Variants in SYN3 observed in about 807,000 individuals in gnomAD.
The protein encoded by SYN3 is synapsin-3.
A neutral mutation model predicts 65.8 loss-of-function variants in SYN3; 35 were observed. The observed-to-expected ratio is 0.53, with a 90% CI of 0.41 to 0.70. The LOEUF (loss-of-function observed/expected upper bound fraction) is 0.70, where lower values mean the gene tolerates loss of function less well. SYN3 is among the 30% of genes least tolerant of loss of function. The pLI, the probability that SYN3 is intolerant of heterozygous loss-of-function variation, is 0.00. For synonymous variants in SYN3, 270 were observed against 292.9 expected, an observed-to-expected ratio of 0.92 and a Z score of 0.80; for missense variants, 680 against 749.0, an observed-to-expected ratio of 0.91 and a Z score of 1.08.
intron 2 of SYN3, among the ~76,000 whole-genome samples, chr22:33,002,290 T>G (rs573683559): frequency 6.6e-6 from 1 of 152,238 alleles, no homozygotes; most frequent in Non-Finnish European, 1.5e-5. Flanking sequence ...AAAGTCAGAC[T>G]GATGGTCTGA....
chr22:32,886,585 A>G (rs1295952286), intron 4 of SYN3, among the ~76,000 whole-genome samples: 3 of 152,230 alleles, frequency 2.0e-5, no homozygotes, highest in African/African-American at 7.2e-5. Flanking sequence ...ACGTAGTTTG[A>G]TTTGCTTCGA....
At chr22:32,975,903 C>T (rs982822743) in intron 3 of SYN3, among the ~76,000 whole-genome samples, 2 of 152,226 alleles carry the variant, frequency 1.3e-5, no homozygotes, top group African/African-American at 2.4e-5. Flanking sequence ...ATCCAACTTA[C>T]ACTTCTCTAT....
At chr22:32,591,567 G>A (rs1349814430) in intron 7 of SYN3, among the ~76,000 whole-genome samples, 1 of 152,132 alleles carries the variant, frequency 6.6e-6, no homozygotes, top group Non-Finnish European at 1.5e-5. Flanking sequence ...TTGGCATCCT[G>A]AGTAATTACA....
intron 3 of SYN3, among the ~76,000 whole-genome samples, chr22:32,948,695 T>A (rs1023477274): frequency 6.6e-6 from 1 of 151,816 alleles, no homozygotes; most frequent in Admixed American, 6.6e-5. Context: ...CGAGATCGCG[T>A]CACTGCACTC....
intron 12 of SYN3, among the ~76,000 whole-genome samples, chr22:32,520,565 C>T (rs2057863204): frequency 6.6e-6 from 1 of 152,254 alleles, no homozygotes; most frequent in Admixed American, 6.5e-5. Flanking sequence ...ATTACTTTTT[C>T]CTTTATGAAA....
At chr22:32,591,226 G>T (rs41481449) in intron 7 of SYN3, among the ~76,000 whole-genome samples, 5,601 of 151,978 alleles carry the variant, frequency 0.037, 201 homozygotes, top group African/African-American at 0.091. Flanking sequence ...GGAGACATAT[G>T]GCTGCATTTA....
chr22:32,617,529 C>T (rs2059537812), intron 6 of SYN3, among the ~76,000 whole-genome samples: 1 of 150,582 alleles, frequency 6.6e-6, no homozygotes, highest in Admixed American at 6.6e-5. Flanking sequence ...TCCCGTGGAG[C>T]TCAGGATATT....
chr22:32,933,561 T>G (rs1009829254), intron 3 of SYN3, among the ~76,000 whole-genome samples: 8 of 152,206 alleles, frequency 5.3e-5, no homozygotes, highest in African/African-American at 1.9e-4. Flanking sequence ...CCCGAGTAGC[T>G]GGGATTACAG....
At chr22:32,876,911 G>A (rs973857788) in intron 4 of SYN3, among the ~76,000 whole-genome samples, 1 of 152,176 alleles carries the variant, frequency 6.6e-6, no homozygotes, top group Non-Finnish European at 1.5e-5. Flanking sequence ...AAAACTTTCG[G>A]TTGGTACACA....
chr22:32,659,751 T>A (rs376512827), intron 6 of SYN3, among the ~76,000 whole-genome samples: 1 of 152,148 alleles, frequency 6.6e-6, no homozygotes, highest in Non-Finnish European at 1.5e-5. Flanking sequence ...TTCTCATATA[T>A]ACATGGGCAG....
chr22:32,749,324 C>A (rs971883652), intron 6 of SYN3, among the ~76,000 whole-genome samples: 6 of 122,846 alleles, frequency 4.9e-5, no homozygotes, highest in African/African-American at 1.6e-4. Flanking sequence ...AATACACACA[C>A]AAATCCATTA....
intron 12 of SYN3, among the ~76,000 whole-genome samples, chr22:32,524,375 A>C (rs2057940803): frequency 6.6e-6 from 1 of 152,206 alleles, no homozygotes; most frequent in African/African-American, 2.4e-5. Flanking sequence ...GGTGACTTAG[A>C]GTTGAAGCCA....
intron 6 of SYN3, among the ~76,000 whole-genome samples, chr22:32,721,737 C>T (rs1461229600): frequency 6.6e-6 from 1 of 152,190 alleles, no homozygotes; most frequent in African/African-American, 2.4e-5. Context: ...GTGAAGGGGG[C>T]AGATGGTAAA....
rs142918619 is a variant in SYN3 at position 32,594,636 on chromosome 22, C to T, written c.774+2038G>A. ...CCAAGTAGCTGGAATTACAGGCATG[C>T]GCAACCACGCCTGGCTAATTTTTGT... is the stretch of plus-strand genomic sequence containing the variant. On this transcript the variant is annotated intron_variant, in intron 7 of 13. Transcript: ENST00000358763. Among the ~76,000 whole-genome samples the T allele has an allele frequency of 8.0e-3, 1,219 of 152,206 alleles. 22 individuals carry two copies. Among genetic ancestry groups the T allele is most frequent in the African/African-American group, 0.028 (1,157 of 41,536 alleles).
At chr22:32,979,909 T>C (rs141671224) in intron 3 of SYN3, among the ~76,000 whole-genome samples, 44 of 152,232 alleles carry the variant, frequency 2.9e-4, no homozygotes, top group Middle Eastern at 3.4e-3. Context: ...CCAGAACCTA[T>C]GCTCAAATGT....
chr22:32,807,209 G>A (rs750906607), intron 6 of SYN3, among the ~76,000 whole-genome samples: 6 of 147,030 alleles, frequency 4.1e-5, no homozygotes, highest in Non-Finnish European at 8.9e-5. Context: ...ACCTTGAAAT[G>A]TCTTGTCTCT....
At chr22:32,822,527 A>C (rs1363569817) in intron 6 of SYN3, among the ~76,000 whole-genome samples, 3 of 152,232 alleles carry the variant, frequency 2.0e-5, no homozygotes, top group African/African-American at 4.8e-5. Context: ...ATACACTTTA[A>C]CTAGCAATCT....
chr22:32,521,302 G>C (rs1242017537), intron 12 of SYN3, among the ~76,000 whole-genome samples: 1 of 152,120 alleles, frequency 6.6e-6, no homozygotes, highest in Non-Finnish European at 1.5e-5. Context: ...GGAGCCCCTA[G>C]GAGCCCTTGC....
intron 6 of SYN3, among the ~76,000 whole-genome samples, chr22:32,749,181 GC>G (rs1426477002): frequency 6.6e-6 from 1 of 152,072 alleles, no homozygotes; most frequent in East Asian, 1.9e-4. Flanking sequence ...ACGACTGTCT[GC>G]TCACTGTGTC....
Sources: gnomAD v4.1 joint callset for allele counts (sites outside exome capture counted in the v4.1 genomes callset) on GRCh38, gnomAD v4.1.1 for gene constraint, MANE v1.5 for transcripts, NCBI Gene and HGNC (gene_info 2026-07-23, HGNC 2026-07-21) for gene names.